Variants in GTPBP6 observed in about 807,000 individuals in gnomAD.
The protein encoded by GTPBP6 is putative GTP-binding protein 6.
In GTPBP6, 33 loss-of-function variants were observed where a neutral mutation model predicts 28.9. The observed-to-expected ratio is 1.14, with a 90% CI of 0.87 to 1.53. GTPBP6 has a LOEUF of 1.53. Ranked by LOEUF, GTPBP6 falls within the 40% of genes most tolerant of loss-of-function variation. The probability of loss-of-function intolerance (pLI) is 0.00; values close to 1 mark genes in which losing one functional copy is unlikely to be tolerated. For synonymous variants in GTPBP6, 231 were observed against 192.7 expected (o/e 1.20, Z -1.65); for missense variants, 507 against 408.3 (o/e 1.24, Z -2.08).
At chrX:307,638 G>T in intron 8 of GTPBP6, 94 bp downstream of exon 8, 1 of 1,417,484 alleles carries the variant, frequency 7.1e-7, no homozygotes, top group Non-Finnish European at 9.4e-7. Context: ...GACTGCCACC[G>T]CTGCGGTTCA....
intron 9 of GTPBP6, among the ~76,000 whole-genome samples, chrX:306,951 G>A (rs1006245089): frequency 6.9e-6 from 1 of 144,024 alleles, no homozygotes; most frequent in Non-Finnish European, 1.5e-5. Context: ...CATTTTGACT[G>A]TCAGCACAGA....
At chrX:312,579 G>A (rs772938111) in intron 6 of GTPBP6, 187 bp downstream of exon 6, 42 of 718,752 alleles carry the variant, frequency 5.8e-5, no homozygotes, top group Admixed American at 5.8e-4. Flanking sequence ...CCGTCTCCTG[G>A]GTGAGCTCTC....
Position 307,824 on chromosome X carries a change from G to T in GTPBP6, c.1182C>A (p.Cys394Ter). Residue 394 changes from cysteine (C) to a stop codon, truncating the protein, a stop_gained, in exon 8 of 10, where the codon TGC becomes TGA. Transcript: ENST00000326153. LOFTEE classifies it high-confidence loss of function. ...GGCCACGCAGCGTGGACAGAACGCT[G>T]CATTTCTGGAGCTCCGCCTCGGGGT... 3 of 1,552,182 alleles carry T rather than the reference G, an allele frequency of 1.9e-6. No homozygotes were observed. Among genetic ancestry groups the T allele is most frequent in the South Asian group, 1.2e-5 (1 of 82,408 alleles).
At chrX:314,339 G>T (rs2070383933) in intron 4 of GTPBP6, 122 bp from the exon 5 acceptor site, 1 of 808,344 alleles carries the variant, frequency 1.2e-6, no homozygotes, top group Non-Finnish European at 2.2e-6. Context: ...AGCCGCTGTT[G>T]CGGCCCCGCT....
chrX:314,533 C>T (rs773521108), intron 4 of GTPBP6, among the ~76,000 whole-genome samples: 3,496 of 150,912 alleles, frequency 0.023, 142 homozygotes, highest in African/African-American at 0.081. Flanking sequence ...AGTGCAGTGG[C>T]GTGATCTCGG....
intron 6 of GTPBP6, 142 bp from the exon 7 acceptor site, chrX:311,769 A>C: frequency 1.4e-6 from 1 of 697,092 alleles, no homozygotes; most frequent in South Asian, 1.7e-5. Context: ...CTCCTCGGGC[A>C]CCCCGGGCCA....
At chrX:307,182 C>A (rs1602952536) in intron 9 of GTPBP6, among the ~76,000 whole-genome samples, 178 bp downstream of exon 9, 1 of 125,540 alleles carries the variant, frequency 8.0e-6, no homozygotes, top group East Asian at 2.2e-4. Flanking sequence ...GCAGATTAGG[C>A]ACCTCTTGTA....
At chrX:305,002 C>G in exon 10 of GTPBP6, 2 of 1,580,506 alleles carry the variant, frequency 1.3e-6, no homozygotes, top group East Asian at 2.3e-5. Context: ...CAAGCTGCCC[C>G]CAACACAGCG....
intron 6 of GTPBP6, 63 bp downstream of exon 6, chrX:312,703 C>A (rs773632578): frequency 3.3e-6 from 5 of 1,508,094 alleles, no homozygotes; most frequent in East Asian, 2.4e-5. Flanking sequence ...TGCCCTCCCC[C>A]GGGCGAGTCC....
rs1284769560 is a variant in GTPBP6 at position 315,467 on chromosome X, T to C, written c.488-168A>G. On this transcript the variant is annotated intron_variant, in intron 2 of 9. Coordinates refer to ENST00000326153, the Ensembl canonical transcript of GTPBP6. ...TCCAGGAAGTCAGCGTGGGAGGGGGTGTGTCTCTAGGAGTGTGTGTCTCAA... is the reference window on the plus strand; with the variant it reads ...TCCAGGAAGTCAGCGTGGGAGGGGGCGTGTCTCTAGGAGTGTGTGTCTCAA... Among the ~76,000 whole-genome samples, 21 of 150,526 alleles carry C rather than the reference T, an allele frequency of 1.4e-4. No homozygotes were observed. The South Asian group carries it at 4.4e-3, about 32-fold the overall frequency.
At chrX:312,720 G>C in intron 6 of GTPBP6, 46 bp downstream of exon 6, 5 of 994,072 alleles carry the variant, frequency 5.0e-6, no homozygotes, top group Non-Finnish European at 6.9e-6. Flanking sequence ...GTCCTCACCG[G>C]TGACACGGAG....
chrX:318,607 C>G (rs1348836510), exon 1 of GTPBP6: 104,123 of 397,378 alleles, frequency 0.26, 14,837 homozygotes, highest in Non-Finnish European at 0.3. Context: ...CTTCGGCCGC[C>G]GTCCGCCCGC....
intron 4 of GTPBP6, 133 bp from the exon 5 acceptor site, chrX:314,350 C>A: frequency 1.3e-6 from 1 of 757,958 alleles, no homozygotes. Flanking sequence ...CGGCCCCGCT[C>A]CGCGTGTAGC....
chrX:315,388 C>A, intron 2 of GTPBP6, 89 bp from the exon 3 acceptor site: 2 of 398,556 alleles, frequency 5.0e-6, no homozygotes, highest in Non-Finnish European at 8.8e-6. Context: ...TGGGATGCAC[C>A]GCGGAGAGCT....
At chrX:315,344 C>T (rs1196451503) in intron 2 of GTPBP6, 45 bp from the exon 3 acceptor site, 3 of 398,460 alleles carry the variant, frequency 7.5e-6, no homozygotes, top group South Asian at 1.3e-4. Flanking sequence ...CGTCCACACC[C>T]GTGGACTGTG....
At chrX:306,478 T>C (rs2070167708) in intron 9 of GTPBP6, among the ~76,000 whole-genome samples, 1 of 143,734 alleles carries the variant, frequency 7.0e-6, no homozygotes, top group Non-Finnish European at 1.5e-5. Flanking sequence ...GTACATTGAG[T>C]GTCAGCACAC....
chrX:314,728 G>A (rs1325461038), intron 4 of GTPBP6, among the ~76,000 whole-genome samples, 162 bp downstream of exon 4: 20 of 151,856 alleles, frequency 1.3e-4, no homozygotes, highest in African/African-American at 3.1e-4. Context: ...CGCCCACCTC[G>A]GCCTCCCAAA....
intron 6 of GTPBP6, 66 bp downstream of exon 6, chrX:312,700 C>T (rs775975405): frequency 2.1e-5 from 31 of 1,496,434 alleles, no homozygotes; most frequent in Non-Finnish European, 2.7e-5. Context: ...CCCTGCCCTC[C>T]CCCGGGCGAG....
Position 314,476 on chromosome X carries a change from C to CT in GTPBP6, c.690-260dup, listed in dbSNP as rs755234998. Reference sequence around the variant, plus strand: ...AGAGAGCCCACACGGTGCTTTTCTTCTTTTTTTTTTTTTTTAGACGGAGTC... The same window carrying CT: ...AGAGAGCCCACACGGTGCTTTTCTTCTTTTTTTTTTTTTTTTAGACGGAGTC... On this transcript the variant is annotated intron_variant, in intron 4 of 9. Transcript: ENST00000326153. Among the ~76,000 whole-genome samples the CT allele has an allele frequency of 5.6e-3, 804 of 142,956 alleles. 4 individuals are homozygous for CT. The highest frequency in any genetic ancestry group is 0.019 in the African/African-American group (730 of 39,452). The allele number at this position is 142,956 out of a possible 152,430, so 93.8% of individuals were successfully genotyped here.
Sources: allele counts gnomAD v4.1 joint callset (sites outside exome capture counted in the v4.1 genomes callset), GRCh38; gene constraint gnomAD v4.1.1; transcripts MANE v1.5; gene names NCBI Gene and HGNC (gene_info 2026-07-23, HGNC 2026-07-21).